RARB: variants seen among roughly 807,000 people sequenced by gnomAD.
RARB encodes retinoic acid receptor beta.
Under a neutral mutation model 51.9 loss-of-function variants are expected in RARB, and 17 were observed. That is an observed-to-expected ratio of 0.33 (90% CI 0.22 to 0.49). The LOEUF (loss-of-function observed/expected upper bound fraction) is 0.49, where lower values mean the gene tolerates loss of function less well. Ranked by LOEUF, RARB falls within the 20% of genes least tolerant of loss-of-function variation. The probability of loss-of-function intolerance (pLI) is 0.99; values close to 1 mark genes in which losing one functional copy is unlikely to be tolerated. For synonymous variants in RARB, 215 were observed against 195.4 expected (o/e 1.10, Z -0.84); for missense variants, 369 against 550.8 (o/e 0.67, Z 3.30).
At chr3:25,380,297 A>G (rs1328440626) in intron 5 of RARB, among the ~76,000 whole-genome samples, 1 of 151,976 alleles carries the variant, frequency 6.6e-6, no homozygotes, top group African/African-American at 2.4e-5. Flanking sequence ...CCTCTTTCCC[A>G]CTCCGTACCC....
At chr3:24,958,083 C>G (rs1215652327) in intron 2 of RARB, among the ~76,000 whole-genome samples, 4 of 151,892 alleles carry the variant, frequency 2.6e-5, no homozygotes, top group African/African-American at 9.7e-5. Flanking sequence ...TCTTGTGAAC[C>G]CAGACAAGCC....
intron 5 of RARB, among the ~76,000 whole-genome samples, chr3:25,403,371 C>T (rs1242480394): frequency 2.6e-5 from 4 of 151,918 alleles, no homozygotes; most frequent in South Asian, 2.1e-4. Context: ...TCTCATGTAC[C>T]CATAAATATA....
intron 5 of RARB, among the ~76,000 whole-genome samples, chr3:25,384,710 T>C (rs1259861217): frequency 6.6e-6 from 1 of 152,318 alleles, no homozygotes. Flanking sequence ...GTGTGATATA[T>C]TTGGCACCAG....
chr3:25,292,507 A>G (rs564110592), intron 5 of RARB, among the ~76,000 whole-genome samples: 5 of 152,284 alleles, frequency 3.3e-5, no homozygotes, highest in Admixed American at 1.3e-4. Flanking sequence ...TATAGAAACA[A>G]ACCTTTGTAG....
At chr3:25,070,640 A>G (rs1021328423) in intron 3 of RARB, among the ~76,000 whole-genome samples, 3 of 152,224 alleles carry the variant, frequency 2.0e-5, no homozygotes, top group Non-Finnish European at 4.4e-5. Flanking sequence ...TTTATATAGC[A>G]TAGGAATATT....
At chr3:25,356,677 C>G (rs1322960372) in intron 5 of RARB, among the ~76,000 whole-genome samples, 1 of 152,050 alleles carries the variant, frequency 6.6e-6, no homozygotes, top group African/African-American at 2.4e-5. Flanking sequence ...CCCCCATTCC[C>G]TGACAGGCCC....
intron 5 of RARB, among the ~76,000 whole-genome samples, chr3:25,369,622 C>A (rs1034696288): frequency 1.3e-5 from 2 of 152,156 alleles, no homozygotes; most frequent in Non-Finnish European, 2.9e-5. Context: ...CAAGCAGATT[C>A]AAAGATGTTC....
At chr3:25,440,037 A>T (rs11719878) in intron 1 of RARB, among the ~76,000 whole-genome samples, 56 of 152,306 alleles carry the variant, frequency 3.7e-4, no homozygotes, top group Non-Finnish European at 6.2e-4. Flanking sequence ...TTTAAAATGA[A>T]TCCATAACAC....
intron 5 of RARB, among the ~76,000 whole-genome samples, chr3:25,189,291 T>C (rs1372512941): frequency 6.6e-6 from 1 of 152,066 alleles, no homozygotes; most frequent in Non-Finnish European, 1.5e-5. Flanking sequence ...AAAATAAATA[T>C]TAGAGTGTCA....
At chr3:25,242,470 G>C (rs1403188092) in intron 5 of RARB, among the ~76,000 whole-genome samples, 1 of 152,088 alleles carries the variant, frequency 6.6e-6, no homozygotes, top group Non-Finnish European at 1.5e-5. Flanking sequence ...TCCATCTTGA[G>C]TTAATCTTTG....
intron 5 of RARB, among the ~76,000 whole-genome samples, chr3:25,233,839 T>C (rs748893511): frequency 3.3e-5 from 5 of 151,416 alleles, no homozygotes; most frequent in Non-Finnish European, 7.4e-5. Context: ...GAGAAGATCA[T>C]ATGGTTCATC....
At chr3:25,082,332 C>G (rs1215184465) in intron 3 of RARB, among the ~76,000 whole-genome samples, 5 of 151,828 alleles carry the variant, frequency 3.3e-5, no homozygotes, top group Admixed American at 3.3e-4. Flanking sequence ...CATAACTATT[C>G]TTCCTTTTCT....
chr3:24,992,606 A>G (rs1336503645), intron 2 of RARB, among the ~76,000 whole-genome samples: 1 of 152,206 alleles, frequency 6.6e-6, no homozygotes, highest in Admixed American at 6.5e-5. Flanking sequence ...TTTTCTCACA[A>G]TTCTGAATCT....
chr3:25,163,504 A>AAAAAAAAAAAAAAAATATATATATAT (rs1303712411), intron 4 of RARB, among the ~76,000 whole-genome samples: 3 of 131,118 alleles, frequency 2.3e-5, no homozygotes, highest in Admixed American at 7.3e-5. Context: ...CCTATCTCAA[A>AAAAAAAAAAAAAAAATATATATATAT]ATATATATAT....
At chr3:25,389,428 G>A (rs552471245) in intron 5 of RARB, among the ~76,000 whole-genome samples, 26 of 152,220 alleles carry the variant, frequency 1.7e-4, no homozygotes, top group African/African-American at 5.8e-4. Context: ...GTGACTTTGA[G>A]GAAGTAACTA....
At chr3:25,518,031 G>C (rs909894286) in intron 3 of RARB, among the ~76,000 whole-genome samples, 1 of 152,106 alleles carries the variant, frequency 6.6e-6, no homozygotes, top group Non-Finnish European at 1.5e-5. Flanking sequence ...AAATATTCTG[G>C]ACTTAGATGG....
intron 1 of RARB, among the ~76,000 whole-genome samples, chr3:25,433,294 G>GGCTGCCCCTTGAACCCA (rs926733403): frequency 6.6e-6 from 1 of 152,040 alleles, no homozygotes; most frequent in African/African-American, 2.4e-5. Context: ...ACATCTCCTA[G>GGCTGCCCCTTGAACCCA]GAGTGGCACA....
At chr3:24,859,858 A>G (rs1047256240) in intron 2 of RARB, among the ~76,000 whole-genome samples, 36 of 152,232 alleles carry the variant, frequency 2.4e-4, no homozygotes, top group Admixed American at 6.5e-4. Flanking sequence ...GTATGTTCCA[A>G]TAAAACTTTA....
At chr3:25,546,273 A>G (rs1346517188) in intron 3 of RARB, among the ~76,000 whole-genome samples, 2 of 152,198 alleles carry the variant, frequency 1.3e-5, no homozygotes, top group Non-Finnish European at 2.9e-5. Context: ...TCTTACTTCA[A>G]TGGCATCAGC....
Sources: gnomAD v4.1 joint callset for allele counts (sites outside exome capture counted in the v4.1 genomes callset) on GRCh38, gnomAD v4.1.1 for gene constraint, MANE v1.5 for transcripts, NCBI Gene and HGNC (gene_info 2026-07-23, HGNC 2026-07-21) for gene names.